The following DLGAP2 variants were observed in gnomAD, a reference collection of about 807,000 sequenced individuals.
DLGAP2 encodes the protein disks large-associated protein 2.
A neutral mutation model predicts 100.3 loss-of-function variants in DLGAP2; 26 were observed. The ratio of observed to expected loss-of-function variants is 0.26; its 90% confidence interval spans 0.19 to 0.36. The LOEUF (loss-of-function observed/expected upper bound fraction) is 0.36, where lower values mean the gene tolerates loss of function less well. Among genes scored for constraint, DLGAP2 ranks in the 10% least tolerant of loss-of-function variants. DLGAP2 has a pLI of 1.00. For synonymous variants in DLGAP2, 886 were observed against 630.1 expected (o/e 1.41, Z -6.08); for missense variants, 1,858 against 1,453.2 (o/e 1.28, Z -4.53).
chr8:810,935 G>T (rs932880887), intron 1 of DLGAP2, among the ~76,000 whole-genome samples: 3 of 152,256 alleles, frequency 2.0e-5, no homozygotes, highest in African/African-American at 7.2e-5. Flanking sequence ...GTGGTTGGAT[G>T]TTCGGGTATA....
Position 1,352,262 on chromosome 8 carries a change from T to A in DLGAP2, c.106+93379T>A, listed in dbSNP as rs112890016. On this transcript the variant is annotated intron_variant, in intron 3 of 14. Transcript: ENST00000637795. ...TTTGGAAAGGCCGTGTGGGTCCTGA[T>A]CGTGTGTGGAAAGGACGTGCGGGTC... is the stretch of plus-strand genomic sequence containing the variant. 5.0e-5 allele frequency among the ~76,000 whole-genome samples: 3 copies of A among 59,478 alleles called. 1 individual carries two copies. In the South Asian group the frequency reaches 1.9e-3, roughly 37 times the overall value. 39.0% of individuals were successfully genotyped at this position (59,478 alleles called of 152,430 possible).
rs1029125013 is a variant in DLGAP2, at chr8:1,462,823, G to A, written c.107-38543G>A. 2.6e-5 allele frequency among the ~76,000 whole-genome samples: 4 copies of A among 152,220 alleles called. No individual in the cohort carries two copies. In the South Asian group the frequency reaches 6.2e-4, roughly 24 times the overall value. On this transcript the variant is annotated intron_variant, in intron 3 of 14. Coordinates refer to ENST00000637795, the MANE Select transcript of DLGAP2 (RefSeq NM_001346810.2). ...TACAGCAGCCCTCAGGCCCCCACAC[G>A]GCGGCGGCTTCTGATTTCTAGGATC... is the stretch of plus-strand genomic sequence containing the variant.
chr8:1,366,248 T>C (rs1802105783), intron 3 of DLGAP2, among the ~76,000 whole-genome samples: 1 of 152,258 alleles, frequency 6.6e-6, no homozygotes, highest in African/African-American at 2.4e-5. Context: ...TATTCCTTCA[T>C]AAAGTAAACA....
At position 1,339,323 on chromosome 8, in the gene DLGAP2, G is replaced by T. The variant is rs1054917767; in HGVS notation, c.106+80440G>T. 2.6e-5 allele frequency among the ~76,000 whole-genome samples: 4 copies of T among 151,550 alleles called. No homozygotes were observed. In the East Asian group the frequency reaches 5.9e-4, roughly 22 times the overall value. On this transcript the variant is annotated intron_variant, in intron 3 of 14. Transcript: ENST00000637795. ...GCATCAGGACCCGGGAGGGAATGCA[G>T]TGACCTCAGTGAGGCATGAGGACCC...
At chr8:1,114,652 C>T (rs543266657) in intron 2 of DLGAP2, among the ~76,000 whole-genome samples, 7 of 151,584 alleles carry the variant, frequency 4.6e-5, no homozygotes, top group Admixed American at 1.3e-4. Flanking sequence ...AAAATGAACT[C>T]CTAGATTCAT....
chr8:969,278 A>G (rs1563120087), intron 2 of DLGAP2, among the ~76,000 whole-genome samples: 1 of 152,044 alleles, frequency 6.6e-6, no homozygotes, highest in Non-Finnish European at 1.5e-5. Context: ...TCAGACTGGA[A>G]CTTCACAGTT....
Position 1,203,313 on chromosome 8 carries a change from G to C in DLGAP2, c.74-55538G>C, listed in dbSNP as rs553417759. ...CTCGGTGTTAGAATCCATGAGACTG[G>C]CGTGTCCTTCGGTGACGAGGCCACC... On this transcript the variant is annotated intron_variant, in intron 2 of 14. Transcript: ENST00000637795. Among the ~76,000 whole-genome samples the C allele has an allele frequency of 1.2e-3, 179 of 148,354 alleles. 4 individuals carry two copies. Among genetic ancestry groups the C allele is most frequent in the Middle Eastern group, 3.5e-3 (1 of 286 alleles).
intron 4 of DLGAP2, among the ~76,000 whole-genome samples, chr8:1,536,792 T>C (rs1801166925): frequency 6.6e-6 from 1 of 152,196 alleles, no homozygotes; most frequent in African/African-American, 2.4e-5. Flanking sequence ...ACCTCTTTAT[T>C]TTTATTTCCA....
intron 6 of DLGAP2, among the ~76,000 whole-genome samples, chr8:1,605,004 C>T (rs1246875307): frequency 6.6e-6 from 1 of 152,148 alleles, no homozygotes; most frequent in African/African-American, 2.4e-5. Flanking sequence ...ATAGTGCAGT[C>T]GCTTTGTTGT....
intron 4 of DLGAP2, among the ~76,000 whole-genome samples, chr8:1,543,677 A>G (rs1053349845): frequency 5.9e-5 from 9 of 152,128 alleles, no homozygotes; most frequent in Admixed American, 5.2e-4. Context: ...GCATTTCTAT[A>G]TGAATTTGAG....
At chr8:1,327,937 C>T (rs1036136301) in intron 3 of DLGAP2, among the ~76,000 whole-genome samples, 7 of 152,204 alleles carry the variant, frequency 4.6e-5, no homozygotes, top group African/African-American at 1.4e-4. Context: ...CTGTACAAGA[C>T]CACAGGGATT....
intron 6 of DLGAP2, among the ~76,000 whole-genome samples, chr8:1,584,257 A>C (rs1348499338): frequency 6.6e-6 from 1 of 152,220 alleles, no homozygotes; most frequent in Non-Finnish European, 1.5e-5. Context: ...CGATAAAGTA[A>C]TCCTGTTTAG....
intron 8 of DLGAP2, among the ~76,000 whole-genome samples, chr8:1,644,553 G>A (rs957372599): frequency 1.1e-4 from 16 of 152,328 alleles, no homozygotes; most frequent in African/African-American, 3.8e-4. Context: ...GCAGAGACGC[G>A]CTCCTGATCT....
At chr8:1,226,500 G>C (rs1396047172) in intron 2 of DLGAP2, among the ~76,000 whole-genome samples, 1 of 152,124 alleles carries the variant, frequency 6.6e-6, no homozygotes, top group Non-Finnish European at 1.5e-5. Flanking sequence ...AGAGCATCAG[G>C]ATAAATAGCT....
intron 4 of DLGAP2, among the ~76,000 whole-genome samples, chr8:1,502,269 G>C (rs865780053): frequency 6.6e-6 from 1 of 152,130 alleles, no homozygotes; most frequent in Admixed American, 6.5e-5. Flanking sequence ...GCTGGGTCTC[G>C]GATCATAAGT....
At chr8:903,166 A>G (rs1319029676) in intron 1 of DLGAP2, among the ~76,000 whole-genome samples, 2 of 151,986 alleles carry the variant, frequency 1.3e-5, no homozygotes, top group African/African-American at 4.8e-5. Context: ...CGTTAATGTC[A>G]GGACGTTTTT....
At chr8:1,012,408 G>A (rs996430472) in intron 2 of DLGAP2, among the ~76,000 whole-genome samples, 9 of 152,264 alleles carry the variant, frequency 5.9e-5, no homozygotes, top group African/African-American at 1.9e-4. Context: ...CCCACAGGCT[G>A]CTGCGCGAGC....
chr8:1,416,510 G>T (rs991598324), intron 3 of DLGAP2, among the ~76,000 whole-genome samples: 1 of 152,206 alleles, frequency 6.6e-6, no homozygotes, highest in African/African-American at 2.4e-5. Flanking sequence ...GTGAGGACAT[G>T]GAGTTCTAGC....
chr8:1,255,141 T>C (rs1340601275), intron 2 of DLGAP2, among the ~76,000 whole-genome samples: 1 of 125,830 alleles, frequency 7.9e-6, no homozygotes. Context: ...GGGCGCTGAG[T>C]GTGTGTCCTC....
Sources: gnomAD v4.1 joint callset for allele counts (sites outside exome capture counted in the v4.1 genomes callset) on GRCh38, gnomAD v4.1.1 for gene constraint, MANE v1.5 for transcripts, NCBI Gene and HGNC (gene_info 2026-07-23, HGNC 2026-07-21) for gene names.